The following ADGRB3 variants were observed in gnomAD, a reference collection of about 807,000 sequenced individuals.
The protein encoded by ADGRB3 is brain-specific angiogenesis inhibitor 3.
A neutral mutation model predicts 193.4 loss-of-function variants in ADGRB3; 37 were observed. The ratio of observed to expected loss-of-function variants is 0.19; its 90% CI spans 0.15 to 0.25. The LOEUF is 0.25. Ranked by LOEUF, ADGRB3 falls within the 10% of genes least tolerant of loss-of-function variation. The pLI, the probability that ADGRB3 is intolerant of heterozygous loss-of-function variation, is 1.00. For synonymous variants in ADGRB3, 690 were observed against 644.2 expected (o/e 1.07, Z -1.08); for missense variants, 1,637 against 1,852.9 (o/e 0.88, Z 2.14).
chr6:68,884,682 GAGAT>G (rs996113873), intron 3 of ADGRB3, among the ~76,000 whole-genome samples: 10 of 152,198 alleles, frequency 6.6e-5, no homozygotes, highest in South Asian at 2.1e-4. Flanking sequence ...GGCAGTGAAA[GAGAT>G]AGAGAAAAAC....
chr6:68,990,992 C>G (rs541788658), intron 10 of ADGRB3, among the ~76,000 whole-genome samples: 3 of 152,026 alleles, frequency 2.0e-5, no homozygotes, highest in African/African-American at 7.2e-5. Context: ...CTTTCCTCAC[C>G]CTTCATGCAT....
At chr6:69,069,747 AAAAG>A (rs374029627) in intron 16 of ADGRB3, among the ~76,000 whole-genome samples, 23 of 115,466 alleles carry the variant, frequency 2.0e-4, no homozygotes, top group African/African-American at 1.4e-4. Context: ...AAAAAAAAAA[AAAAG>A]AAAGAAAGAA....
chr6:69,076,930 T>G (rs1012485987), intron 17 of ADGRB3, among the ~76,000 whole-genome samples: 1 of 152,084 alleles, frequency 6.6e-6, no homozygotes, highest in African/African-American at 2.4e-5. Flanking sequence ...GTGATGCTAC[T>G]TGTTTCTCAC....
chr6:69,029,784 T>A lies in ADGRB3; in HGVS notation c.2107+11285T>A, dbSNP rs1407195455. Among the ~76,000 whole-genome samples the A allele has an allele frequency of 2.6e-5, 4 of 152,046 alleles. No individual in the cohort carries two copies. The East Asian group carries it at 7.7e-4, about 29-fold the overall frequency. On this transcript the variant is annotated intron_variant, in intron 13 of 31. Coordinates refer to ENST00000370598, the MANE Select transcript of ADGRB3 (RefSeq NM_001704.3). ...AATAGAAAACCATAACTTCAAAAAT[T>A]AAGATTTCCTATAATAATACAGGCC...
At chr6:68,750,362 C>G (rs893109413) in intron 3 of ADGRB3, among the ~76,000 whole-genome samples, 18 of 151,938 alleles carry the variant, frequency 1.2e-4, no homozygotes, top group Non-Finnish European at 2.2e-4. Flanking sequence ...CAGAAAAGGG[C>G]TAATCAAAAT....
At chr6:68,738,555 A>T (rs13203525) in intron 3 of ADGRB3, among the ~76,000 whole-genome samples, 14,532 of 152,210 alleles carry the variant, frequency 0.095, 862 homozygotes, top group Middle Eastern at 0.15. Context: ...GGTCGTGAAG[A>T]TAATGAGAAA....
At chr6:68,849,247 A>G (rs907511151) in intron 3 of ADGRB3, among the ~76,000 whole-genome samples, 15 of 152,000 alleles carry the variant, frequency 9.9e-5, no homozygotes, top group African/African-American at 3.6e-4. Context: ...ACGTTTAAAT[A>G]TATATGTGTC....
intron 3 of ADGRB3, among the ~76,000 whole-genome samples, chr6:68,689,532 G>T (rs1434917094): frequency 6.6e-6 from 1 of 151,952 alleles, no homozygotes; most frequent in East Asian, 1.9e-4. Context: ...TAAATACCTG[G>T]GTACAGGTTT....
intron 31 of ADGRB3, among the ~76,000 whole-genome samples, chr6:69,386,340 G>C (rs1292526083): frequency 6.6e-6 from 1 of 151,972 alleles, no homozygotes; most frequent in Non-Finnish European, 1.5e-5. Flanking sequence ...TACATACTCT[G>C]AATTCTTTCA....
At chr6:68,645,655 G>C (rs1167818408) in intron 3 of ADGRB3, among the ~76,000 whole-genome samples, 1 of 152,018 alleles carries the variant, frequency 6.6e-6, no homozygotes, top group Non-Finnish European at 1.5e-5. Context: ...TTAGGCCCTC[G>C]ATAAATGTCA....
intron 3 of ADGRB3, among the ~76,000 whole-genome samples, chr6:68,654,312 G>A (rs1027482379): frequency 1.3e-5 from 2 of 151,962 alleles, no homozygotes; most frequent in East Asian, 3.9e-4. Flanking sequence ...TGAGTGGTAT[G>A]CTGGCAAGCT....
intron 3 of ADGRB3, among the ~76,000 whole-genome samples, chr6:68,922,418 G>T (rs574366263): frequency 6.6e-6 from 1 of 152,318 alleles, no homozygotes; most frequent in South Asian, 2.1e-4. Flanking sequence ...ATGCTTAGAT[G>T]TGGATCGAAA....
At chr6:68,737,143 A>G (rs966478231) in intron 3 of ADGRB3, among the ~76,000 whole-genome samples, 6 of 152,230 alleles carry the variant, frequency 3.9e-5, no homozygotes, top group African/African-American at 1.4e-4. Flanking sequence ...TTAAATTTGT[A>G]TATGCATCTT....
At chr6:69,224,732 A>C (rs2127252157) in intron 17 of ADGRB3, among the ~76,000 whole-genome samples, 1 of 152,206 alleles carries the variant, frequency 6.6e-6, no homozygotes, top group Middle Eastern at 3.4e-3. Context: ...GTTTTATTCA[A>C]ATTTCCATTT....
chr6:69,123,719 T>C (rs1773780843), intron 17 of ADGRB3, among the ~76,000 whole-genome samples: 1 of 152,068 alleles, frequency 6.6e-6, no homozygotes, highest in African/African-American at 2.4e-5. Context: ...GAGCGAATCA[T>C]ATATGGAGAA....
intron 15 of ADGRB3, among the ~76,000 whole-genome samples, chr6:69,056,735 C>T (rs114322000): frequency 7.5e-4 from 114 of 152,214 alleles, no homozygotes; most frequent in African/African-American, 2.6e-3. Flanking sequence ...GCACCCTTGT[C>T]GAGGATCATT....
chr6:69,223,127 C>G (rs1765933333), intron 17 of ADGRB3, among the ~76,000 whole-genome samples: 1 of 152,110 alleles, frequency 6.6e-6, no homozygotes, highest in Admixed American at 6.6e-5. Flanking sequence ...TGCTCTAATA[C>G]TGAGGACTCC....
chr6:69,252,825 T>A (rs911988694), intron 20 of ADGRB3, among the ~76,000 whole-genome samples: 2 of 152,098 alleles, frequency 1.3e-5, no homozygotes, highest in Non-Finnish European at 2.9e-5. Context: ...ATAGTTTGTG[T>A]TTATGACTCC....
chr6:68,646,188 G>T (rs1444733595), intron 3 of ADGRB3, among the ~76,000 whole-genome samples: 2 of 151,968 alleles, frequency 1.3e-5, no homozygotes, highest in Non-Finnish European at 2.9e-5. Flanking sequence ...GAAAATGATA[G>T]ACTTCCAGCT....
Sources: gnomAD v4.1 joint callset for allele counts (sites outside exome capture counted in the v4.1 genomes callset) on GRCh38, gnomAD v4.1.1 for gene constraint, MANE v1.5 for transcripts, NCBI Gene and HGNC (gene_info 2026-07-23, HGNC 2026-07-21) for gene names.